EVI5: variants seen among roughly 807,000 people sequenced by gnomAD.
The protein encoded by EVI5 is ecotropic viral integration site 5 protein homolog.
EVI5 carries 73 observed loss-of-function variants against 112.0 expected under a neutral mutation model. That is an observed-to-expected ratio of 0.65 (90% CI 0.54 to 0.79). EVI5 has a LOEUF of 0.79. Among genes scored for constraint, EVI5 ranks in the 30% least tolerant of loss-of-function variants. EVI5 has a pLI of 0.00. For missense variants in EVI5, 900 were observed against 968.8 expected, an observed-to-expected ratio of 0.93 and a Z score of 0.94; for synonymous variants, 305 against 319.9, an observed-to-expected ratio of 0.95 and a Z score of 0.50.
At chr1:92,611,903 C>G (rs534719220) in intron 16 of EVI5, among the ~76,000 whole-genome samples, 1 of 150,872 alleles carries the variant, frequency 6.6e-6, no homozygotes, top group South Asian at 2.1e-4. Context: ...CTGGACAAAA[C>G]AGTGAGACCC....
chr1:92,775,519 A>G lies in EVI5; in HGVS notation c.-82+9317T>C, dbSNP rs575178750. The stretch of plus-strand genomic sequence containing the variant: ...TTAGATACACAAGTACCACTGTGTT[A>G]CAACTGCCTACAGTATTCCATACAA... On this transcript the variant is annotated intron_variant, in intron 1 of 19. Transcript: ENST00000684568. Among the ~76,000 whole-genome samples, 112 of 152,290 alleles carry G rather than the reference A, an allele frequency of 7.4e-4. 1 individual carries two copies. The highest frequency in any genetic ancestry group is 1.5e-3 in the Non-Finnish European group (105 of 68,028).
At chr1:92,664,210 A>C (rs1233280774) in intron 11 of EVI5, among the ~76,000 whole-genome samples, 1 of 152,234 alleles carries the variant, frequency 6.6e-6, no homozygotes, top group Non-Finnish European at 1.5e-5. Flanking sequence ...CAAAGCAAGG[A>C]AAATATGACA....
chr1:92,683,821 T>C (rs1395030638), intron 9 of EVI5, among the ~76,000 whole-genome samples: 1 of 151,044 alleles, frequency 6.6e-6, no homozygotes, highest in Non-Finnish European at 1.5e-5. Context: ...ATGAAATTAA[T>C]GAAATAAAAC....
rs532667583 is a variant in EVI5 at position 92,644,947 on chromosome 1, A to C, written c.1393-8611T>G. 6.5e-4 allele frequency among the ~76,000 whole-genome samples: 99 copies of C among 152,278 alleles called. 1 individual carries two copies. Among genetic ancestry groups the C allele is most frequent in the African/African-American group, 2.1e-3 (88 of 41,572 alleles). ...GCCCAGAATATGTTCTATCTTCATA[A>C]ATCTTCCATGTATGTTTGAAAGGAT... On this transcript the variant is annotated intron_variant, in intron 13 of 19. Transcript: ENST00000684568.
chr1:92,594,630 G>A (rs565029832), intron 18 of EVI5, among the ~76,000 whole-genome samples: 2,463 of 150,666 alleles, frequency 0.016, 56 homozygotes, highest in African/African-American at 0.057. Context: ...TGAACAGGCA[G>A]CCTACAGAAT....
In EVI5 at chr1:92,785,014, C is replaced by A. The variant is rs901786197; in HGVS notation, c.-260G>T. On this transcript the variant is annotated 5_prime_UTR_variant, in exon 1 of 20. In the 5' UTR this introduces an upstream ATG that the reference lacks. Coordinates refer to ENST00000684568, the MANE Select transcript of EVI5 (RefSeq NM_001350197.2). ...GCCGCCTCGCGACCCTCACCTACCC[C>A]TCCCGGCACCGCCGCTGTCGGAACT... 1.5e-5 allele frequency: 15 copies of A among 985,578 alleles called. No homozygotes were observed. Among genetic ancestry groups the A allele is most frequent in the Non-Finnish European group, 1.7e-5 (14 of 830,060 alleles). The allele number at this position is 985,578 out of a possible 1,614,324, so 61.1% of individuals were successfully genotyped here.
chr1:92,540,052 C>T (rs531874816), intron 19 of EVI5, among the ~76,000 whole-genome samples: 5 of 152,154 alleles, frequency 3.3e-5, no homozygotes, highest in Non-Finnish European at 4.4e-5. Context: ...CATAATTGAT[C>T]ATATGGATAT....
chr1:92,733,654 C>T (rs747681789), intron 2 of EVI5, among the ~76,000 whole-genome samples: 8 of 151,952 alleles, frequency 5.3e-5, no homozygotes, highest in African/African-American at 9.7e-5. Context: ...CTGGGCAATC[C>T]GCCCACCTCA....
At chr1:92,671,235 C>G (rs941213185) in intron 10 of EVI5, among the ~76,000 whole-genome samples, 1 of 152,110 alleles carries the variant, frequency 6.6e-6, no homozygotes, top group Non-Finnish European at 1.5e-5. Context: ...ATGCAATGGT[C>G]ATTTCTCCAT....
chr1:92,607,548 C>CA (rs745993449), intron 17 of EVI5, 33 bp downstream of exon 17: 48 of 1,499,824 alleles, frequency 3.2e-5, no homozygotes, highest in Non-Finnish European at 3.6e-5. Context: ...ATTATATTGA[C>CA]AAAAAACAAA....
chr1:92,676,092 A>C (rs1171555094), intron 10 of EVI5, among the ~76,000 whole-genome samples: 1 of 151,780 alleles, frequency 6.6e-6, no homozygotes, highest in African/African-American at 2.4e-5. Context: ...ATGTGGAAGT[A>C]TCTACTTCCA....
chr1:92,547,368 T>A (rs565864277), intron 19 of EVI5, among the ~76,000 whole-genome samples: 98 of 152,368 alleles, frequency 6.4e-4, no homozygotes, highest in African/African-American at 2.2e-3. Context: ...GGGAAATTTA[T>A]GGCACTAAAT....
At chr1:92,722,290 T>A (rs1313949976) in intron 2 of EVI5, among the ~76,000 whole-genome samples, 2 of 152,076 alleles carry the variant, frequency 1.3e-5, no homozygotes, top group African/African-American at 2.4e-5. Context: ...ATATTTCATA[T>A]CCTTTGATCA....
intron 1 of EVI5, among the ~76,000 whole-genome samples, chr1:92,758,542 C>T (rs1284662260): frequency 6.7e-6 from 1 of 148,208 alleles, no homozygotes; most frequent in East Asian, 2.0e-4. Flanking sequence ...TGCACTCCAG[C>T]CTGGGTGACA....
chr1:92,522,213 T>A (rs1454499233), intron 19 of EVI5, among the ~76,000 whole-genome samples: 2 of 152,212 alleles, frequency 1.3e-5, no homozygotes, highest in Non-Finnish European at 2.9e-5. Context: ...TCACAGTTCT[T>A]CAGAGCCGTC....
chr1:92,555,981 T>C (rs1667621851), intron 19 of EVI5, among the ~76,000 whole-genome samples: 1 of 151,898 alleles, frequency 6.6e-6, no homozygotes, highest in Non-Finnish European at 1.5e-5. Context: ...TTTCTACCTT[T>C]AGTATTTTAG....
chr1:92,748,968 A>T (rs1027079987), intron 1 of EVI5, among the ~76,000 whole-genome samples: 1 of 150,656 alleles, frequency 6.6e-6, no homozygotes, highest in African/African-American at 2.4e-5. Flanking sequence ...TGGGAGGCTG[A>T]GGCAGGAGAA....
intron 9 of EVI5, among the ~76,000 whole-genome samples, chr1:92,690,409 C>G (rs922973327): frequency 6.7e-6 from 1 of 150,224 alleles, no homozygotes; most frequent in Non-Finnish European, 1.5e-5. Flanking sequence ...AGTACAGTGA[C>G]GCAATCACAG....
rs1650179272 is a variant in EVI5, at chr1:92,605,490, C to CT, written c.1975-89_1975-88insA. 4.6e-6 allele frequency: 4 copies of CT among 877,734 alleles called. No individual in the cohort carries two copies. The Admixed American group carries it at 7.3e-5, about 16-fold the overall frequency. The allele number at this position is 877,734 out of a possible 1,614,324, so 54.4% of individuals were successfully genotyped here. A position where few individuals can be genotyped will look rare whatever the true frequency, so the allele number is the denominator to read the frequency against. The stretch of plus-strand genomic sequence containing the variant: ...AAAGTAATAGGTTGCATAAACCATA[C>CT]GTTAAGTATTATCTAGCAGGGTCTA... On this transcript the variant is annotated intron_variant, in intron 17 of 19. Transcript: ENST00000684568.
Sources: allele counts gnomAD v4.1 joint callset (sites outside exome capture counted in the v4.1 genomes callset), GRCh38; gene constraint gnomAD v4.1.1; transcripts MANE v1.5; gene names NCBI Gene and HGNC (gene_info 2026-07-23, HGNC 2026-07-21).